Variants in FAAP20 observed in about 807,000 individuals in gnomAD.
The protein encoded by FAAP20 is FA core complex associated protein 20.
Under a neutral mutation model 16.2 loss-of-function variants are expected in FAAP20, and 12 were observed. The observed-to-expected ratio is 0.74, with a 90% CI of 0.48 to 1.20. The LOEUF (loss-of-function observed/expected upper bound fraction) is 1.20, where lower values mean the gene tolerates loss of function less well. FAAP20 is among the 50% of genes most tolerant of loss of function. FAAP20 has a pLI of 0.00. For missense variants in FAAP20, 288 were observed against 245.8 expected, an observed-to-expected ratio of 1.17 and a Z score of -1.15; for synonymous variants, 141 against 110.7, an observed-to-expected ratio of 1.27 and a Z score of -1.72.
intron 3 of FAAP20, 49 bp from the exon 4 acceptor site, chr1:2,189,830 C>A (rs769842935): frequency 7.1e-7 from 1 of 1,403,936 alleles, no homozygotes; most frequent in Non-Finnish European, 1.0e-6. Flanking sequence ...GGCATGCTGG[C>A]CGCAGAGAGC....
downstream of FAAP20, among the ~76,000 whole-genome samples, chr1:2,185,761 C>A (rs1687500226): frequency 6.6e-6 from 1 of 152,224 alleles, no homozygotes; most frequent in Admixed American, 6.5e-5. Context: ...CTGCACAAAT[C>A]ATTTCTGACC....
chr1:2,187,774 C>T (rs909753366), downstream of FAAP20, among the ~76,000 whole-genome samples: 1 of 152,220 alleles, frequency 6.6e-6, no homozygotes, highest in African/African-American at 2.4e-5. Flanking sequence ...CTTGTCGTCG[C>T]CCCACGCCCA....
downstream of FAAP20, chr1:2,185,083 C>A: frequency 7.2e-7 from 1 of 1,395,746 alleles, no homozygotes; most frequent in South Asian, 1.2e-5. Context: ...CATATGCATG[C>A]CAGGCTGGGC....
At chr1:2,200,626 C>T, upstream of FAAP20, 5 of 985,628 alleles carry the variant, frequency 5.1e-6, no homozygotes, top group South Asian at 1.9e-4. Context: ...TTTAGGCTCC[C>T]AGTGTGTGGT....
intron 3 of FAAP20, chr1:2,190,238 GGT>G (rs1688046275): frequency 2.2e-6 from 1 of 457,974 alleles, no homozygotes; most frequent in Non-Finnish European, 4.4e-6. Context: ...TCAGAGAATT[GGT>G]GTTTCTGGCG....
upstream of FAAP20, chr1:2,199,597 C>A (rs1688966327): frequency 2.0e-6 from 2 of 985,764 alleles, no homozygotes; most frequent in African/African-American, 1.7e-5. The surrounding 1 kb of genome is among the most constrained non-coding windows in gnomAD (Gnocchi z 4.5). Context: ...CTGGGGAAGG[C>A]AAGTCACAGA....
rs1367137969 is a variant in FAAP20, at chr1:2,194,594, C to A, written c.62+94G>T. ...GGGCCCGGGGGCAGGGAGCCCTCCC[C>A]AGGGGGAGAATAGAGCGGGAGGCCC... On this transcript the variant is annotated intron_variant, in intron 1 of 3. Coordinates refer to ENST00000378546, the MANE Select transcript of FAAP20 (RefSeq NM_182533.4). The A allele has an allele frequency of 8.1e-4, 529 of 651,138 alleles. 7 individuals are homozygous for A. The African/African-American group carries it at 9.9e-3, about 12-fold the overall frequency. 40.3% of individuals were successfully genotyped at this position (651,138 alleles called of 1,614,324 possible). A position where few individuals can be genotyped will look rare whatever the true frequency, so the allele number is the denominator to read the frequency against.
downstream of FAAP20, among the ~76,000 whole-genome samples, chr1:2,211,229 T>C (rs1310991729): frequency 8.3e-6 from 1 of 119,778 alleles, no homozygotes; most frequent in Non-Finnish European, 1.9e-5. Context: ...TTTCTTTCTT[T>C]TTTTTTTTTT....
downstream of FAAP20, chr1:2,185,637 C>T (rs1687476354): frequency 1.6e-6 from 1 of 641,638 alleles, no homozygotes; most frequent in African/African-American, 1.8e-5. Context: ...AAGCAGATGG[C>T]AGCTGGGCCA....
At chr1:2,188,228 G>A (rs1403236783), downstream of FAAP20, among the ~76,000 whole-genome samples, 1 of 152,226 alleles carries the variant, frequency 6.6e-6, no homozygotes. Context: ...GCTCCCTGAA[G>A]ACGCTGCTTT....
chr1:2,192,189 C>A, intron 3 of FAAP20: 1 of 985,786 alleles, frequency 1.0e-6, no homozygotes, highest in African/African-American at 1.7e-5. Flanking sequence ...CAGGGCATCC[C>A]AGGGTGGCTG....
chr1:2,194,225 G>A (rs1278269001), intron 1 of FAAP20, 92 bp from the exon 2 acceptor site: 1 of 1,502,438 alleles, frequency 6.7e-7, no homozygotes, highest in African/African-American at 1.4e-5. Flanking sequence ...GAGAGAGCGG[G>A]GAGATGGGGG....
intron 3 of FAAP20, chr1:2,190,090 TC>T (rs1557775950): frequency 1.8e-6 from 1 of 562,430 alleles, no homozygotes; most frequent in Admixed American, 2.2e-5. Flanking sequence ...AACGCGCTCA[TC>T]GTGGAGCCCG....
At chr1:2,210,427 C>T (rs400132), downstream of FAAP20, among the ~76,000 whole-genome samples, 36,573 of 152,144 alleles carry the variant, frequency 0.24, 4,926 homozygotes, top group South Asian at 0.3. Flanking sequence ...CCCTGCCTGC[C>T]GCCTCCCCCA....
upstream of FAAP20, among the ~76,000 whole-genome samples, chr1:2,196,671 C>G (rs1456193050): frequency 6.6e-6 from 1 of 151,866 alleles, no homozygotes; most frequent in African/African-American, 2.4e-5. This position sits in a 1 kb window ranked among gnomAD's most constrained non-coding sequence, Gnocchi z 4.5. Context: ...GAAACCCCAT[C>G]TCTACTAAAA....
At chr1:2,186,494 C>A, downstream of FAAP20, among the ~76,000 whole-genome samples, 1 of 117,424 alleles carries the variant, frequency 8.5e-6, no homozygotes, top group African/African-American at 3.2e-5. Context: ...CCCTGGACAC[C>A]CGCCCCCCCC....
intron 3 of FAAP20, 65 bp downstream of exon 3, chr1:2,193,574 C>G: frequency 6.4e-7 from 1 of 1,565,962 alleles, no homozygotes. Flanking sequence ...TCTTGACCTT[C>G]TGAACGGCTG....
chr1:2,199,982 G>A (rs1244477218), upstream of FAAP20: 1 of 152,038 alleles, frequency 6.6e-6, no homozygotes, highest in African/African-American at 2.4e-5. This position sits in a 1 kb window ranked among gnomAD's most constrained non-coding sequence, Gnocchi z 4.5. Context: ...GGGAGGCTGA[G>A]GCAGGAGAAT....
At chr1:2,209,476 A>G (rs1276736749), downstream of FAAP20, among the ~76,000 whole-genome samples, 1 of 152,330 alleles carries the variant, frequency 6.6e-6, no homozygotes, top group East Asian at 1.9e-4. Flanking sequence ...GTAGGGAGGC[A>G]TGTAGTCAAC....
Sources: allele counts gnomAD v4.1 joint callset (sites outside exome capture counted in the v4.1 genomes callset), GRCh38; gene constraint gnomAD v4.1.1; non-coding constraint Gnocchi (gnomAD v3.1); transcripts MANE v1.5; gene names NCBI Gene and HGNC (gene_info 2026-07-23, HGNC 2026-07-21).